The following BAG5 variants were observed in gnomAD, a reference collection of about 807,000 sequenced individuals.
BAG5 encodes the protein BAG family molecular chaperone regulator 5.
In BAG5, 25 loss-of-function variants were observed where a neutral mutation model predicts 31.8. The observed-to-expected ratio is 0.79, with a 90% CI of 0.57 to 1.10. The LOEUF is 1.10. Ranked by LOEUF, BAG5 falls within the 50% of genes least tolerant of loss-of-function variation. The probability of loss-of-function intolerance (pLI) is 0.00; values close to 1 mark genes in which losing one functional copy is unlikely to be tolerated. For missense variants in BAG5, 491 were observed against 527.9 expected (o/e 0.93, Z 0.68); for synonymous variants, 208 against 205.0 (o/e 1.01, Z -0.13).
chr14:103,559,859 T>C lies in BAG5; in HGVS notation c.1306A>G (p.Ser436Gly), dbSNP rs1421627277. The C allele has an allele frequency of 2.5e-6, 4 of 1,613,988 alleles. No homozygotes were observed. The highest frequency in any genetic ancestry group is 1.6e-4 in the Middle Eastern group (1 of 6,062). ...QAVRLAQNIL[S>G]YLDLKSDEWE... is the part of the protein sequence containing the mutation. ...TCATCAGATTTCAGGTCGAGATAGC[T>C]GAGAATATTCTGCGCAAGCCTCACA... Residue 436 changes from serine to glycine, a missense_variant, in exon 2 of 2, where the codon AGC becomes GGC. Transcript: ENST00000299204.
In BAG5 at chr14:103,557,834, A is replaced by T. The variant is rs543558469; in HGVS notation, c.*1987T>A. On this transcript the variant is annotated 3_prime_UTR_variant, in exon 2 of 2. Coordinates refer to ENST00000299204, the MANE Select transcript of BAG5 (RefSeq NM_001015048.3). ...ATGGTGAAATCTCAACTCTATTAAAAATACAAAAATTAGCCAGGCATGGTG... is the reference window on the plus strand; with the variant it reads ...ATGGTGAAATCTCAACTCTATTAAATATACAAAAATTAGCCAGGCATGGTG... 1 of 152,212 alleles carries T rather than the reference A, an allele frequency of 6.6e-6. No homozygotes were observed. The highest frequency in any genetic ancestry group is 2.4e-5 in the African/African-American group (1 of 41,518). The allele number at this position is 152,212 out of a possible 1,614,324, so 9.4% of individuals were successfully genotyped here. A position where few individuals can be genotyped will look rare whatever the true frequency, so the allele number is the denominator to read the frequency against.
intron 1 of BAG5, chr14:103,562,046 A>T: frequency 1.4e-6 from 2 of 1,441,770 alleles, no homozygotes; most frequent in Non-Finnish European, 9.8e-7. Flanking sequence ...CCACGGAGGG[A>T]AGGCGGCCCG....
At position 103,557,262 on chromosome 14, in the gene BAG5, C is replaced by T. The variant is rs1030454706; in HGVS notation, c.*2559G>A. 2 of 152,246 alleles carry T rather than the reference C, an allele frequency of 1.3e-5. No individual in the cohort carries two copies. The highest frequency in any genetic ancestry group is 2.9e-5 in the Non-Finnish European group (2 of 68,052). 9.4% of individuals were successfully genotyped at this position (152,246 alleles called of 1,614,324 possible). Reference sequence around the variant, plus strand: ...AATTACATGCAGTAGCTCATATTAACACAAACAGCTCCCCACGAAGGCCGA... The same window carrying T: ...AATTACATGCAGTAGCTCATATTAATACAAACAGCTCCCCACGAAGGCCGA... On this transcript the variant is annotated 3_prime_UTR_variant, in exon 2 of 2. Transcript: ENST00000299204.
Position 103,559,458 on chromosome 14 carries a change from T to C in BAG5, c.*363A>G, listed in dbSNP as rs1287413495. The C allele has an allele frequency of 5.4e-6, 1 of 185,746 alleles. No homozygotes were observed. The highest frequency in any genetic ancestry group is 2.4e-5 in the African/African-American group (1 of 42,240). 11.5% of individuals were successfully genotyped at this position (185,746 alleles called of 1,614,324 possible). ...AATTTCCCCTTTCTCATAATTTTCC[T>C]AGTATTATGTAAGGTTATGCCTAGT... On this transcript the variant is annotated 3_prime_UTR_variant, in exon 2 of 2. Transcript: ENST00000299204.
Position 103,560,080 on chromosome 14 carries a change from T to C in BAG5, c.1085A>G (p.Glu362Gly), listed in dbSNP as rs948489956. The C allele has an allele frequency of 1.3e-5, 21 of 1,614,040 alleles. No homozygotes were observed. The Admixed American group carries it at 3.2e-4, about 24-fold the overall frequency. The change falls in exon 2 of 2, where the codon GAG (glutamate) becomes GGG (glycine). Residue 362 changes from glutamate (E) to glycine (G), a missense_variant. Physicochemically the swap from Glu to Gly is moderately conservative, Grantham distance 98 (BLOSUM62 -2). Coordinates refer to ENST00000299204, the MANE Select transcript of BAG5 (RefSeq NM_001015048.3). ...CCAGACGGCTTTATGGGATGGGTGC[T>C]CCTCACAAGCAAACAGCTTTCTTTT... ...LEKRKLFACE[E>G]HPSHKAVWNV...
rs753044829 is a variant in BAG5 at position 103,560,329 on chromosome 14, AT to A, written c.835del (p.Ile279Ter). On this transcript the variant is annotated frameshift_variant, in exon 2 of 2. Coordinates refer to ENST00000299204, the MANE Select transcript of BAG5 (RefSeq NM_001015048.3). LOFTEE classifies it high-confidence loss of function. ...DLRQNHSILK[I>X]EKVLKRMREI... Reference sequence around the variant, plus strand: ...TCTCATTCTCTTGAGGACCTTTTCTATTTTTAAAATGGAATGATTCTGTCTC... The same window carrying A: ...TCTCATTCTCTTGAGGACCTTTTCTATTTTAAAATGGAATGATTCTGTCTC... 1 of 1,613,928 alleles carries A rather than the reference AT, an allele frequency of 6.2e-7. No individual in the cohort carries two copies. Among genetic ancestry groups the A allele is most frequent in the Non-Finnish European group, 8.5e-7 (1 of 1,179,996 alleles).
intron 1 of BAG5, chr14:103,561,795 A>C (rs1018870912): frequency 1.5e-4 from 107 of 713,994 alleles, no homozygotes; most frequent in Non-Finnish European, 2.0e-4. Context: ...GACAGCGCTG[A>C]AGGGCACCAC....
Position 103,560,301 on chromosome 14 carries a change from T to C in BAG5, c.864A>G (p.Glu288=), listed in dbSNP as rs758093982. Residue 288 remains glutamate (E), a synonymous_variant, in exon 2 of 2, where the codon GAA becomes GAG. Transcript: ENST00000299204. ...KIEKVLKRMR[E]IKNELLQAQN... is the part of the protein sequence containing the mutation. ...GTGCTTGGAGAAGTTCATTTTTTAT[T>C]TCTCTCATTCTCTTGAGGACCTTTT... 1.4e-4 allele frequency: 218 copies of C among 1,614,082 alleles called. No individual in the cohort carries two copies. The highest frequency in any genetic ancestry group is 1.8e-4 in the Non-Finnish European group (215 of 1,180,048).
chr14:103,557,919 G>A lies in BAG5; in HGVS notation c.*1902C>T, dbSNP rs1386170180. ...GAGGCAGGAGAATCGCTTGAACCTG[G>A]GAGGTGGAGGTTGCAGTGAGCTGAG... On this transcript the variant is annotated 3_prime_UTR_variant, in exon 2 of 2. Transcript: ENST00000299204. 6.6e-6 allele frequency: 1 copy of A among 152,276 alleles called. No homozygotes were observed. Among genetic ancestry groups the A allele is most frequent in the Admixed American group, 6.5e-5 (1 of 15,278 alleles). 9.4% of individuals were successfully genotyped at this position (152,276 alleles called of 1,614,324 possible).
In BAG5 at chr14:103,557,399, G is replaced by A. The variant is rs2076044910; in HGVS notation, c.*2422C>T. ...AAAGCCATGCCTGACAGTCAATCAA[G>A]GTCAATCTGATCATTTCCATGACCA... On this transcript the variant is annotated 3_prime_UTR_variant, in exon 2 of 2. Transcript: ENST00000299204. 1.3e-5 allele frequency: 2 copies of A among 152,058 alleles called. No homozygotes were observed. Among genetic ancestry groups the A allele is most frequent in the Admixed American group, 1.3e-4 (2 of 15,262 alleles). 9.4% of individuals were successfully genotyped at this position (152,058 alleles called of 1,614,324 possible). A position where few individuals can be genotyped will look rare whatever the true frequency, so the allele number is the denominator to read the frequency against.
At position 103,557,618 on chromosome 14, in the gene BAG5, G is replaced by GT. The variant is rs2076045986; in HGVS notation, c.*2202dup. ...AACTTTACAAAATGAAATTTAAAAT[G>GT]TAAGTAGTACTCTGGGGAAGAATAT... On this transcript the variant is annotated 3_prime_UTR_variant, in exon 2 of 2. Transcript: ENST00000299204. 6.6e-6 allele frequency: 1 copy of GT among 152,200 alleles called. No homozygotes were observed. The highest frequency in any genetic ancestry group is 6.5e-5 in the Admixed American group (1 of 15,286). The allele number at this position is 152,200 out of a possible 1,614,324, so 9.4% of individuals were successfully genotyped here. A position where few individuals can be genotyped will look rare whatever the true frequency, so the allele number is the denominator to read the frequency against.
chr14:103,562,574 C>A (rs181692086), intron 1 of BAG5, 42 bp downstream of exon 1: 16 of 161,636 alleles, frequency 9.9e-5, no homozygotes, highest in Admixed American at 5.8e-4. Context: ...CCCACTCGTC[C>A]CCCCGAGAGA....
Position 103,562,638 on chromosome 14 carries a change from C to A in BAG5, c.-51G>T. 5.0e-6 allele frequency: 1 copy of A among 199,572 alleles called. No homozygotes were observed. The highest frequency in any genetic ancestry group is 1.0e-5 in the Non-Finnish European group (1 of 99,582). The allele number at this position is 199,572 out of a possible 1,614,324, so 12.4% of individuals were successfully genotyped here. On this transcript the variant is annotated 5_prime_UTR_variant, in exon 1 of 2. Coordinates refer to ENST00000299204, the MANE Select transcript of BAG5 (RefSeq NM_001015048.3). ...CACCTGTCCCGCCCGCGCCATCGCG[C>A]GATGCGTCGCCGACGCTTCCACGAC...
intron 1 of BAG5, 40 bp downstream of exon 1, chr14:103,562,576 C>T (rs1308999961): frequency 6.2e-6 from 1 of 162,144 alleles, no homozygotes; most frequent in Non-Finnish European, 1.3e-5. Flanking sequence ...CACTCGTCCC[C>T]CCGAGAGAGG....
Position 103,558,797 on chromosome 14 carries a change from C to A in BAG5, c.*1024G>T, listed in dbSNP as rs1370249189. On this transcript the variant is annotated 3_prime_UTR_variant, in exon 2 of 2. Coordinates refer to ENST00000299204, the MANE Select transcript of BAG5 (RefSeq NM_001015048.3). The stretch of plus-strand genomic sequence containing the variant: ...CCTAGAAAACCTAGGAAGGCCTGGT[C>A]CCTCTGGGTTACTGACAGCGTCTAC... 1 of 152,184 alleles carries A rather than the reference C, an allele frequency of 6.6e-6. No individual in the cohort carries two copies. Among genetic ancestry groups the A allele is most frequent in the Non-Finnish European group, 1.5e-5 (1 of 68,032 alleles). 9.4% of individuals were successfully genotyped at this position (152,184 alleles called of 1,614,324 possible). A position where few individuals can be genotyped will look rare whatever the true frequency, so the allele number is the denominator to read the frequency against.
chr14:103,562,300 G>A, intron 1 of BAG5: 1 of 412,866 alleles, frequency 2.4e-6, no homozygotes, highest in East Asian at 5.0e-5. Flanking sequence ...TCTTGGCCCG[G>A]GTGCCAGGGC....
At position 103,560,133 on chromosome 14, in the gene BAG5, T is replaced by C; in HGVS notation, c.1032A>G (p.Thr344=). Residue 344 remains threonine (T), a synonymous_variant, in exon 2 of 2, where the codon ACA becomes ACG. Transcript: ENST00000299204. ...RAVIEVQTLI[T]YIDLKEALEK... ...CAAGGGCCTCCTTCAAGTCAATATATGTGATCAGAGTTTGCACCTCGATCA... is the reference window on the plus strand; with the variant it reads ...CAAGGGCCTCCTTCAAGTCAATATACGTGATCAGAGTTTGCACCTCGATCA... The C allele has an allele frequency of 6.2e-7, 1 of 1,614,178 alleles. No homozygotes were observed. The highest frequency in any genetic ancestry group is 8.5e-7 in the Non-Finnish European group (1 of 1,180,044).
In BAG5 at chr14:103,560,579, C is replaced by T; in HGVS notation, c.586G>A (p.Ala196Thr). 1 of 1,614,118 alleles carries T rather than the reference C, an allele frequency of 6.2e-7. No individual in the cohort carries two copies. The highest frequency in any genetic ancestry group is 1.3e-5 in the African/African-American group (1 of 75,026). Residue 196 changes from alanine (A) to threonine (T), a missense_variant, in exon 2 of 2, where the codon GCC becomes ACC. Transcript: ENST00000299204. ...INFVMCEVNK[A>T]RGVLIALLMG... ...AGAAGTGCAATCAGGACCCCTCGGG[C>T]CTTGTTCACCTCACACATCACGAAG...
At position 103,560,151 on chromosome 14, in the gene BAG5, C is replaced by T. The variant is rs1223113506; in HGVS notation, c.1014G>A (p.Glu338=). The part of the protein sequence containing the change: ...IREARRRAVI[E]VQTLITYIDL... ...CAATATATGTGATCAGAGTTTGCACCTCGATCACTGCTCTTCTCCTGGCTT... is the reference window on the plus strand; with the variant it reads ...CAATATATGTGATCAGAGTTTGCACTTCGATCACTGCTCTTCTCCTGGCTT... The change falls in exon 2 of 2, where the codon GAG becomes GAA. Residue 338 remains glutamate (E), a synonymous_variant. Coordinates refer to ENST00000299204, the MANE Select transcript of BAG5 (RefSeq NM_001015048.3). 20 of 1,614,012 alleles carry T rather than the reference C, an allele frequency of 1.2e-5. No homozygotes were observed. The Middle Eastern group carries it at 4.9e-4, about 40-fold the overall frequency.
Sources: gnomAD v4.1 joint callset for allele counts on GRCh38, gnomAD v4.1.1 for gene constraint, MANE v1.5 for transcripts, NCBI Gene and HGNC (gene_info 2026-07-23, HGNC 2026-07-21) for gene names.